LAMA3: variants seen among roughly 807,000 people sequenced by gnomAD.
LAMA3 encodes laminin subunit alpha-3.
In LAMA3, 281 loss-of-function variants were observed where a neutral mutation model predicts 402.0. The ratio of observed to expected loss-of-function variants is 0.70; its 90% confidence interval spans 0.63 to 0.77. The LOEUF is 0.77. Ranked by LOEUF, LAMA3 falls within the 30% of genes least tolerant of loss-of-function variation. The pLI, the probability that LAMA3 is intolerant of heterozygous loss-of-function variation, is 0.00. For synonymous variants in LAMA3, 1,431 were observed against 1,558.4 expected, an observed-to-expected ratio of 0.92 and a Z score of 1.93; for missense variants, 3,840 against 4,215.5, an observed-to-expected ratio of 0.91 and a Z score of 2.47.
rs2083054877 is a variant in LAMA3 at position 23,954,728 on chromosome 18, C to A, written c.*80C>A. The A allele has an allele frequency of 1.1e-5, 16 of 1,440,694 alleles. No homozygotes were observed. Among genetic ancestry groups the A allele is most frequent in the Non-Finnish European group, 1.5e-5 (15 of 1,023,856 alleles). 89.2% of individuals were successfully genotyped at this position (1,440,694 alleles called of 1,614,324 possible). A position where few individuals can be genotyped will look rare whatever the true frequency, so the allele number is the denominator to read the frequency against. ...TGCACCTCCCTCCCCAGCTCGAGAT[C>A]ATTCTTCACTCAGGACACAAACCAG... On this transcript the variant is annotated 3_prime_UTR_variant, in exon 75 of 75. Coordinates refer to ENST00000313654, the MANE Select transcript of LAMA3 (RefSeq NM_198129.4).
chr18:23,802,559 A>G (rs1278411247), intron 12 of LAMA3, among the ~76,000 whole-genome samples: 2 of 152,226 alleles, frequency 1.3e-5, no homozygotes, highest in Non-Finnish European at 2.9e-5. Context: ...GTGGAACACA[A>G]TTGCTTCTAT....
chr18:23,809,586 A>G (rs1213436207), intron 12 of LAMA3, among the ~76,000 whole-genome samples: 1 of 152,152 alleles, frequency 6.6e-6, no homozygotes, highest in African/African-American at 2.4e-5. Context: ...GTCTAGTCTC[A>G]TAGAGACTAG....
At chr18:23,770,590 A>T (rs1463591691) in intron 8 of LAMA3, among the ~76,000 whole-genome samples, 2 of 151,808 alleles carry the variant, frequency 1.3e-5, no homozygotes, top group Non-Finnish European at 2.9e-5. Flanking sequence ...TGAAACCCTG[A>T]CTCTACTAAA....
intron 68 of LAMA3, among the ~76,000 whole-genome samples, chr18:23,941,353 C>G (rs1279915629): frequency 2.0e-5 from 3 of 147,014 alleles, no homozygotes; most frequent in Non-Finnish European, 4.5e-5. Context: ...CAGCTTCTCT[C>G]TCAACACATT....
chr18:23,954,440 C>CCAGG, intron 74 of LAMA3, 63 bp from the exon 75 acceptor site: 1 of 1,279,256 alleles, frequency 7.8e-7, no homozygotes, highest in Non-Finnish European at 1.1e-6. Flanking sequence ...CTTTTAAAAT[C>CCAGG]CAGGGAACAG....
intron 8 of LAMA3, among the ~76,000 whole-genome samples, chr18:23,765,967 TG>T (rs2062067431): frequency 6.6e-6 from 1 of 151,918 alleles, no homozygotes; most frequent in African/African-American, 2.4e-5. Context: ...TGGGAACTGG[TG>T]AGACAATAGC....
chr18:23,795,566 G>T (rs911053783), intron 12 of LAMA3, among the ~76,000 whole-genome samples: 7 of 152,198 alleles, frequency 4.6e-5, no homozygotes, highest in South Asian at 2.1e-4. Flanking sequence ...ATAGTTAATA[G>T]TTTGGTGGTT....
intron 2 of LAMA3, among the ~76,000 whole-genome samples, chr18:23,743,259 G>C (rs941089337): frequency 6.6e-6 from 1 of 152,134 alleles, no homozygotes; most frequent in African/African-American, 2.4e-5. Context: ...CATGTACTTG[G>C]AGTCACATAG....
intron 14 of LAMA3, 117 bp downstream of exon 14, chr18:23,813,220 T>C (rs1408555282): frequency 1.2e-5 from 9 of 721,998 alleles, no homozygotes; most frequent in Non-Finnish European, 2.0e-5. Flanking sequence ...CTAAATTGCT[T>C]AAAGAGGTCA....
At chr18:23,754,641 A>G (rs1598725676) in intron 6 of LAMA3, among the ~76,000 whole-genome samples, 1 of 152,344 alleles carries the variant, frequency 6.6e-6, no homozygotes, top group East Asian at 1.9e-4. Flanking sequence ...TGCTGTGAAC[A>G]TGAATGTACC....
rs79709429 is a variant in LAMA3, at chr18:23,734,070, C to G, written c.448-13873C>G. Among the ~76,000 whole-genome samples, 765 of 152,338 alleles carry G rather than the reference C, an allele frequency of 5.0e-3. 43 individuals are homozygous for G. In the East Asian group the frequency reaches 0.11, roughly 22 times the overall value. On this transcript the variant is annotated intron_variant, in intron 2 of 74. Coordinates refer to ENST00000313654, the MANE Select transcript of LAMA3 (RefSeq NM_198129.4). ...AGCCACGGTGATCCTCCATGGCCAGCGTGGGACACGTGAGTGGAGAAAAAG... is the reference window on the plus strand; with the variant it reads ...AGCCACGGTGATCCTCCATGGCCAGGGTGGGACACGTGAGTGGAGAAAAAG...
Position 23,707,279 on chromosome 18 carries a change from C to T in LAMA3, c.295-6641C>T, listed in dbSNP as rs117826395. On this transcript the variant is annotated intron_variant, in intron 1 of 74. Transcript: ENST00000313654. ...AGCTTGGTGCTCTCCCATTTGTCCT[C>T]TCCAGTTGGCTATTTTGGACTTTCT... Among the ~76,000 whole-genome samples, 463 of 152,272 alleles carry T rather than the reference C, an allele frequency of 3.0e-3. 4 individuals carry two copies. Among genetic ancestry groups the T allele is most frequent in the Non-Finnish European group, 4.9e-3 (330 of 68,022 alleles).
At chr18:23,823,150 T>G (rs935911717) in intron 20 of LAMA3, among the ~76,000 whole-genome samples, 1 of 152,224 alleles carries the variant, frequency 6.6e-6, no homozygotes, top group Non-Finnish European at 1.5e-5. Context: ...CCAACTTGCG[T>G]GGCTGGAGGT....
chr18:23,713,762 A>G (rs538443363), intron 1 of LAMA3, among the ~76,000 whole-genome samples, 158 bp from the exon 2 acceptor site: 33 of 152,364 alleles, frequency 2.2e-4, no homozygotes, highest in Non-Finnish European at 3.8e-4. Context: ...CTACTGTTTC[A>G]GAATACATTC....
chr18:23,913,558 T>G (rs2081507827), intron 56 of LAMA3, among the ~76,000 whole-genome samples: 1 of 152,204 alleles, frequency 6.6e-6, no homozygotes, highest in Non-Finnish European at 1.5e-5. Flanking sequence ...AATCACTCAC[T>G]GGGTTAGGAT....
chr18:23,791,177 C>T (rs2062646124), intron 12 of LAMA3, among the ~76,000 whole-genome samples: 1 of 152,106 alleles, frequency 6.6e-6, no homozygotes, highest in South Asian at 2.1e-4. Context: ...CGCCTGGCTT[C>T]CTGTTTTATC....
intron 12 of LAMA3, among the ~76,000 whole-genome samples, chr18:23,799,643 T>A (rs1402542198): frequency 1.3e-5 from 2 of 152,172 alleles, no homozygotes; most frequent in African/African-American, 4.8e-5. Context: ...TTCCTCTGCA[T>A]TGACTTTCCT....
rs1377516022 is a variant in LAMA3 at position 23,713,940 on chromosome 18, C to A, written c.315C>A (p.Cys105Ter). The change falls in exon 2 of 75, where the codon TGC (cysteine) becomes TGA (stop). Residue 105 changes from cysteine (C) to a stop codon, truncating the protein, a stop_gained. Transcript: ENST00000313654. LOFTEE classifies it high-confidence loss of function. ...HTIQGQFCDY[C>*]NSEDPRKAHP... is the part of the protein sequence containing the mutation. ...TTCAGGGCCAGTTCTGTGACTATTG[C>A]AATTCTGAAGACCCCAGGAAAGCAC... The A allele has an allele frequency of 1.2e-6, 2 of 1,612,892 alleles. No individual in the cohort carries two copies. The highest frequency in any genetic ancestry group is 2.2e-5 in the East Asian group (1 of 44,838).
intron 2 of LAMA3, among the ~76,000 whole-genome samples, chr18:23,745,822 T>C (rs747608399): frequency 1.3e-5 from 2 of 152,106 alleles, no homozygotes; most frequent in Non-Finnish European, 2.9e-5. Flanking sequence ...ATTGTGGGAG[T>C]TTGGTGGAAG....
Sources: gnomAD v4.1 joint callset for allele counts (sites outside exome capture counted in the v4.1 genomes callset) on GRCh38, gnomAD v4.1.1 for gene constraint, MANE v1.5 for transcripts, NCBI Gene and HGNC (gene_info 2026-07-23, HGNC 2026-07-21) for gene names.